RAB11FIP4: variants seen among roughly 807,000 people sequenced by gnomAD.
The protein encoded by RAB11FIP4 is RAB11 family interacting protein 4.
Under a neutral mutation model 74.3 loss-of-function variants are expected in RAB11FIP4, and 23 were observed. The ratio of observed to expected loss-of-function variants is 0.31; its 90% CI spans 0.22 to 0.44. The LOEUF (loss-of-function observed/expected upper bound fraction) is 0.44, where lower values mean the gene tolerates loss of function less well. Among genes scored for constraint, RAB11FIP4 ranks in the 20% least tolerant of loss-of-function variants. The pLI is 1.00. For missense variants in RAB11FIP4, 630 were observed against 863.9 expected, an observed-to-expected ratio of 0.73 and a Z score of 3.39; for synonymous variants, 360 against 359.9, an observed-to-expected ratio of 1.00 and a Z score of 0.00.
intron 1 of RAB11FIP4, among the ~76,000 whole-genome samples, chr17:31,398,401 A>G (rs1319707461): frequency 6.6e-6 from 1 of 152,112 alleles, no homozygotes; most frequent in Non-Finnish European, 1.5e-5. Flanking sequence ...TTCCAGCGTC[A>G]TTCCCAAGAC....
At chr17:31,439,926 A>G (rs2071392624) in intron 3 of RAB11FIP4, among the ~76,000 whole-genome samples, 1 of 152,102 alleles carries the variant, frequency 6.6e-6, no homozygotes, top group Non-Finnish European at 1.5e-5. Context: ...TGTGAGCCAC[A>G]GCAACAGGTT....
intron 1 of RAB11FIP4, among the ~76,000 whole-genome samples, chr17:31,398,374 G>A (rs566990429): frequency 6.6e-6 from 1 of 152,226 alleles, no homozygotes; most frequent in Admixed American, 6.5e-5. Flanking sequence ...GAATCCATTT[G>A]GCAAAACCTT....
intron 4 of RAB11FIP4, among the ~76,000 whole-genome samples, chr17:31,520,506 T>G (rs2072642588): frequency 6.6e-6 from 1 of 152,200 alleles, no homozygotes; most frequent in South Asian, 2.1e-4. Context: ...TTTGTTTGTT[T>G]TTTTGTTTTT....
At chr17:31,522,184 G>A in intron 6 of RAB11FIP4, 135 bp downstream of exon 6, 3 of 1,332,966 alleles carry the variant, frequency 2.3e-6, no homozygotes, top group Admixed American at 2.0e-5. Flanking sequence ...TTGATCCAGG[G>A]GCTTTTTCTG....
intron 3 of RAB11FIP4, among the ~76,000 whole-genome samples, chr17:31,508,614 G>T (rs1414038295): frequency 1.3e-5 from 2 of 152,220 alleles, no homozygotes; most frequent in African/African-American, 2.4e-5. Flanking sequence ...CGCGGCCCGG[G>T]TCGGCCTCAG....
chr17:31,411,863 T>G (rs1156880138), intron 1 of RAB11FIP4, among the ~76,000 whole-genome samples: 2 of 152,164 alleles, frequency 1.3e-5, no homozygotes, highest in African/African-American at 4.8e-5. Context: ...GAGGAGAAGG[T>G]GCAGTTGCAG....
intron 4 of RAB11FIP4, 108 bp downstream of exon 4, chr17:31,517,985 C>T (rs1478664884): frequency 1.2e-6 from 1 of 841,642 alleles, no homozygotes; most frequent in South Asian, 1.6e-5. Context: ...AAATTTGTAT[C>T]AGAGGCATTA....
In RAB11FIP4 at chr17:31,417,613, G is replaced by A. The variant is rs185258671; in HGVS notation, c.160-14200G>A. Among the ~76,000 whole-genome samples, 307 of 152,302 alleles carry A rather than the reference G, an allele frequency of 2.0e-3. 2 individuals are homozygous for A. The highest frequency in any genetic ancestry group is 6.4e-3 in the African/African-American group (268 of 41,556). On this transcript the variant is annotated intron_variant, in intron 1 of 14. Transcript: ENST00000621161. ...CTGGGGTAGCAGGAATTGCCACTCC[G>A]ATGCCCATGGGGGCCAGGAAGGAAT... is the stretch of plus-strand genomic sequence containing the variant.
At chr17:31,462,057 T>G (rs1363949349) in intron 3 of RAB11FIP4, among the ~76,000 whole-genome samples, 1 of 151,694 alleles carries the variant, frequency 6.6e-6, no homozygotes, top group African/African-American at 2.4e-5. Flanking sequence ...AGGTCAGGAG[T>G]TCGAGACCAG....
chr17:31,446,406 T>C (rs981443114), intron 3 of RAB11FIP4, among the ~76,000 whole-genome samples: 1 of 151,970 alleles, frequency 6.6e-6, no homozygotes, highest in Non-Finnish European at 1.5e-5. Context: ...ATCTCTCAAA[T>C]TGTGGGGAGG....
At chr17:31,496,809 G>A (rs2072124711) in intron 3 of RAB11FIP4, among the ~76,000 whole-genome samples, 1 of 152,196 alleles carries the variant, frequency 6.6e-6, no homozygotes, top group East Asian at 1.9e-4. Context: ...TGGCTGCAGG[G>A]TCAGCCTGAG....
At chr17:31,483,512 A>G (rs1390029722) in intron 3 of RAB11FIP4, among the ~76,000 whole-genome samples, 1 of 152,234 alleles carries the variant, frequency 6.6e-6, no homozygotes, top group Non-Finnish European at 1.5e-5. Flanking sequence ...CTTTATTCAC[A>G]TGAAGTTTCA....
At chr17:31,508,868 G>A (rs2072401848) in intron 3 of RAB11FIP4, among the ~76,000 whole-genome samples, 1 of 152,188 alleles carries the variant, frequency 6.6e-6, no homozygotes, top group Non-Finnish European at 1.5e-5. Flanking sequence ...AGCAGTGTGT[G>A]TGTTGGGGTG....
intron 3 of RAB11FIP4, among the ~76,000 whole-genome samples, chr17:31,507,819 T>C (rs1331612427): frequency 1.3e-5 from 2 of 151,936 alleles, no homozygotes; most frequent in Admixed American, 1.3e-4. Flanking sequence ...TGTTTTGTTT[T>C]ATTTTATTTT....
At chr17:31,495,019 A>G (rs1377540850) in intron 3 of RAB11FIP4, among the ~76,000 whole-genome samples, 1 of 152,144 alleles carries the variant, frequency 6.6e-6, no homozygotes, top group African/African-American at 2.4e-5. Context: ...ACCTCGGCCC[A>G]CCTGCCCTTC....
In RAB11FIP4 at chr17:31,536,847, T is replaced by G. The variant is rs961957889; in HGVS notation, c.*5115T>G. ...AAAATAGGCTGCCTTCTAGAAAGATTTGTTTCTAAAAGCGTAGACCCTGGG... is the reference window on the plus strand; with the variant it reads ...AAAATAGGCTGCCTTCTAGAAAGATGTGTTTCTAAAAGCGTAGACCCTGGG... On this transcript the variant is annotated 3_prime_UTR_variant, in exon 15 of 15. Coordinates refer to ENST00000621161, the MANE Select transcript of RAB11FIP4 (RefSeq NM_032932.6). The G allele has an allele frequency of 6.8e-5, 27 of 397,312 alleles. No homozygotes were observed. Among genetic ancestry groups the G allele is most frequent in the Middle Eastern group, 6.2e-4 (1 of 1,608 alleles). The allele number at this position is 397,312 out of a possible 1,614,324, so 24.6% of individuals were successfully genotyped here. A position where few individuals can be genotyped will look rare whatever the true frequency, so the allele number is the denominator to read the frequency against.
At chr17:31,509,827 G>A (rs1245412989) in intron 3 of RAB11FIP4, among the ~76,000 whole-genome samples, 1 of 152,140 alleles carries the variant, frequency 6.6e-6, no homozygotes, top group African/African-American at 2.4e-5. Context: ...CCTCATGTCT[G>A]AGCTGAGGTT....
intron 1 of RAB11FIP4, among the ~76,000 whole-genome samples, chr17:31,396,447 G>C (rs575981554): frequency 6.6e-6 from 1 of 152,260 alleles, no homozygotes; most frequent in South Asian, 2.1e-4. Context: ...TTATTGTGGG[G>C]TTTGAGTGAG....
At chr17:31,427,592 T>G (rs2071266072) in intron 1 of RAB11FIP4, among the ~76,000 whole-genome samples, 2 of 152,122 alleles carry the variant, frequency 1.3e-5, no homozygotes, top group Non-Finnish European at 2.9e-5. Flanking sequence ...GGACTTGAGG[T>G]GAGGGTCCTC....
Sources: gnomAD v4.1 joint callset for allele counts (sites outside exome capture counted in the v4.1 genomes callset) on GRCh38, gnomAD v4.1.1 for gene constraint, MANE v1.5 for transcripts, NCBI Gene and HGNC (gene_info 2026-07-23, HGNC 2026-07-21) for gene names.